The following STX18 variants were observed in gnomAD, a reference collection of about 807,000 sequenced individuals.
STX18 encodes the protein syntaxin 18.
Under a neutral mutation model 50.1 loss-of-function variants are expected in STX18, and 40 were observed. The observed-to-expected ratio is 0.80, with a 90% CI of 0.62 to 1.04. STX18 has a LOEUF of 1.04. STX18 is among the 50% of genes least tolerant of loss of function. STX18 has a pLI of 0.00. For synonymous variants in STX18, 158 were observed against 151.8 expected (o/e 1.04, Z -0.30); for missense variants, 410 against 415.8 (o/e 0.99, Z 0.12).
At chr4:4,454,634 T>C (rs1726969934) in intron 5 of STX18, among the ~76,000 whole-genome samples, 1 of 152,222 alleles carries the variant, frequency 6.6e-6, no homozygotes, top group African/African-American at 2.4e-5. Flanking sequence ...GTTCAAACTC[T>C]TCCCCAAGTC....
chr4:4,475,080 T>C (rs1228833701), intron 1 of STX18, among the ~76,000 whole-genome samples: 1 of 152,174 alleles, frequency 6.6e-6, no homozygotes, highest in African/African-American at 2.4e-5. Context: ...CTACTTTTAG[T>C]TAGTTCTATT....
chr4:4,473,098 A>T (rs1728004169), intron 1 of STX18, among the ~76,000 whole-genome samples: 1 of 152,048 alleles, frequency 6.6e-6, no homozygotes, highest in African/African-American at 2.4e-5. Flanking sequence ...CTGTGCTATG[A>T]TTCTTACTGT....
In STX18 at chr4:4,457,486, G is replaced by A. The variant is rs1301235338; in HGVS notation, c.367C>T (p.His123Tyr). 6.2e-7 allele frequency: 1 copy of A among 1,613,908 alleles called. No individual in the cohort carries two copies. The highest frequency in any genetic ancestry group is 1.1e-5 in the South Asian group (1 of 91,024). Residue 123 changes from histidine (H) to tyrosine (Y), a missense_variant, in exon 4 of 11, where the codon CAT becomes TAT. Physicochemically the swap from His to Tyr is moderately conservative, Grantham distance 83 (BLOSUM62 2). Transcript: ENST00000306200. ...CTGTGCTCCTTCACTTGCTGGGAAT[G>A]TATCTCCTTGTGAGCTGTAACAGAA... ...QLRTEAHKEI[H>Y]SQQVKEHRTA... is the part of the protein sequence containing the mutation.
chr4:4,471,390 G>C (rs764413654), intron 2 of STX18, among the ~76,000 whole-genome samples: 1 of 152,202 alleles, frequency 6.6e-6, no homozygotes, highest in Non-Finnish European at 1.5e-5. Context: ...AGTTTCATTT[G>C]ACAGGAGATA....
intron 5 of STX18, among the ~76,000 whole-genome samples, chr4:4,456,109 C>G (rs1256629533): frequency 6.6e-6 from 1 of 151,694 alleles, no homozygotes; most frequent in Non-Finnish European, 1.5e-5. Flanking sequence ...GACATCCCAC[C>G]CTTATAAAAT....
At chr4:4,491,360 T>G (rs940843238) in intron 1 of STX18, among the ~76,000 whole-genome samples, 2 of 152,136 alleles carry the variant, frequency 1.3e-5, no homozygotes, top group Non-Finnish European at 2.9e-5. Flanking sequence ...AAGGCTCAAT[T>G]AAAGTTTTAG....
At chr4:4,442,442 G>C (rs1009850050) in intron 5 of STX18, among the ~76,000 whole-genome samples, 45 of 152,090 alleles carry the variant, frequency 3.0e-4, no homozygotes, top group African/African-American at 1.0e-3. Flanking sequence ...CATGGTGAAA[G>C]CCTGTCTCTA....
chr4:4,466,265 T>C (rs1282492124), intron 2 of STX18, among the ~76,000 whole-genome samples: 3 of 151,436 alleles, frequency 2.0e-5, no homozygotes, highest in South Asian at 2.1e-4. Flanking sequence ...CATGTGTGGA[T>C]TGGAGTGAAG....
intron 5 of STX18, among the ~76,000 whole-genome samples, chr4:4,439,598 C>A (rs1725999418): frequency 7.0e-6 from 1 of 142,572 alleles, no homozygotes; most frequent in South Asian, 2.2e-4. Context: ...CACACCCCCA[C>A]ACACATACCC....
At chr4:4,530,385 T>C (rs1731038680) in intron 1 of STX18, among the ~76,000 whole-genome samples, 1 of 150,616 alleles carries the variant, frequency 6.6e-6, no homozygotes. Flanking sequence ...CATATATTAA[T>C]TATATATAAT....
At chr4:4,452,832 A>T (rs1726833312) in intron 5 of STX18, among the ~76,000 whole-genome samples, 1 of 152,200 alleles carries the variant, frequency 6.6e-6, no homozygotes, top group Non-Finnish European at 1.5e-5. Context: ...AACATTCGTG[A>T]TTCATGGGAG....
At chr4:4,455,095 G>C (rs1027196816) in intron 5 of STX18, among the ~76,000 whole-genome samples, 1 of 152,184 alleles carries the variant, frequency 6.6e-6, no homozygotes, top group Non-Finnish European at 1.5e-5. Flanking sequence ...AAGTGGCAGA[G>C]CCAGGATTCA....
chr4:4,504,748 T>C (rs1362962682), intron 1 of STX18, among the ~76,000 whole-genome samples: 1 of 152,188 alleles, frequency 6.6e-6, no homozygotes, highest in Non-Finnish European at 1.5e-5. Context: ...TAATTAACAA[T>C]GATGTATCAC....
At chr4:4,536,890 C>G (rs1008218503) in intron 1 of STX18, among the ~76,000 whole-genome samples, 5 of 152,202 alleles carry the variant, frequency 3.3e-5, no homozygotes, top group Non-Finnish European at 5.9e-5. Flanking sequence ...TATTTAGAAT[C>G]AAAGTGTCCT....
chr4:4,538,942 T>C (rs962330113), intron 1 of STX18, among the ~76,000 whole-genome samples: 2 of 152,192 alleles, frequency 1.3e-5, no homozygotes, highest in African/African-American at 2.4e-5. Flanking sequence ...TTACTCTCCA[T>C]TTGTAATTTA....
chr4:4,432,818 C>T (rs1725580329), intron 7 of STX18, among the ~76,000 whole-genome samples: 1 of 152,230 alleles, frequency 6.6e-6, no homozygotes. Flanking sequence ...ACAGGAAGTC[C>T]AAAGAGCAAG....
chr4:4,420,942 T>C lies in STX18; in HGVS notation c.834A>G (p.Glu278=), dbSNP rs1332872904. ...EIFTEKVLQQ[E]AEIDSIHQLV... ...ACTGGTGAATGCTGTCAATCTCAGCTTCCTGTGGAAGAAAAGATAAATACA... is the reference window on the plus strand; with the variant it reads ...ACTGGTGAATGCTGTCAATCTCAGCCTCCTGTGGAAGAAAAGATAAATACA... Residue 278 remains glutamate, a splice_region_variant and synonymous_variant, in exon 10 of 11, where the codon GAA becomes GAG. Transcript: ENST00000306200. This position sits in a 1 kb window ranked among gnomAD's most constrained non-coding sequence, Gnocchi z 4.3. The C allele has an allele frequency of 6.2e-7, 1 of 1,614,032 alleles. No homozygotes were observed. Among genetic ancestry groups the C allele is most frequent in the Non-Finnish European group, 8.5e-7 (1 of 1,180,000 alleles).
chr4:4,463,356 T>C (rs1255397666), intron 2 of STX18, among the ~76,000 whole-genome samples: 2 of 152,230 alleles, frequency 1.3e-5, no homozygotes, highest in African/African-American at 4.8e-5. Context: ...TGTGATAAAA[T>C]ATCCTTATTA....
chr4:4,534,990 T>G (rs1731265550), intron 1 of STX18, among the ~76,000 whole-genome samples: 1 of 152,194 alleles, frequency 6.6e-6, no homozygotes, highest in African/African-American at 2.4e-5. Flanking sequence ...CACCCGGGCC[T>G]CCTCCAGAAA....
Sources: allele counts gnomAD v4.1 joint callset (sites outside exome capture counted in the v4.1 genomes callset), GRCh38; gene constraint gnomAD v4.1.1; non-coding constraint Gnocchi (gnomAD v3.1); transcripts MANE v1.5; gene names NCBI Gene and HGNC (gene_info 2026-07-23, HGNC 2026-07-21).